SYNPO: variants seen among roughly 807,000 people sequenced by gnomAD.
SYNPO encodes the protein synaptopodin.
A neutral mutation model predicts 49.5 loss-of-function variants in SYNPO; 19 were observed. The ratio of observed to expected loss-of-function variants is 0.38; its 90% CI spans 0.27 to 0.56. SYNPO has a LOEUF of 0.56. Among genes scored for constraint, SYNPO ranks in the 20% least tolerant of loss-of-function variants. The probability of loss-of-function intolerance (pLI) is 0.68; values close to 1 mark genes in which losing one functional copy is unlikely to be tolerated. For missense variants in SYNPO, 1,131 were observed against 1,248.3 expected, an observed-to-expected ratio of 0.91 and a Z score of 1.42; for synonymous variants, 536 against 548.0, an observed-to-expected ratio of 0.98 and a Z score of 0.31.
Position 150,648,583 on chromosome 5 carries a change from C to T in SYNPO, c.308C>T (p.Thr103Ile). The change falls in exon 2 of 3, where the codon ACT (threonine) becomes ATT (isoleucine). Residue 103 changes from threonine to isoleucine, a missense_variant. This residue lies in a region of SYNPO where 602 missense variants were observed against 720.7 expected (regional missense o/e 0.84). Transcript: ENST00000307662. The surrounding 1 kb of genome is among the most constrained non-coding windows in gnomAD (Gnocchi z 5.0). ...ATDVNQNPPA[T>I]VVPQSLPLSS... ...GATGTCAATCAGAACCCACCGGCAA[C>T]TGTTGTCCCACAGAGCCTGCCACTT... 6.2e-7 allele frequency: 1 copy of T among 1,614,228 alleles called. No individual in the cohort carries two copies.
intron 1 of SYNPO, 36 bp from the exon 2 acceptor site, chr5:150,647,908 C>A (rs1258337336): frequency 6.5e-7 from 1 of 1,534,170 alleles, no homozygotes; most frequent in East Asian, 2.5e-5. Context: ...TCACTGCATT[C>A]CTGTTTGCTA....
Position 150,657,429 on chromosome 5 carries a change from C to CTT in SYNPO, c.*343_*344insTT, listed in dbSNP as rs1758615739. The CTT allele has an allele frequency of 6.1e-6, 1 of 163,134 alleles. No individual in the cohort carries two copies. The highest frequency in any genetic ancestry group is 1.1e-5 in the Non-Finnish European group (1 of 87,736). The allele number at this position is 163,134 out of a possible 1,614,324, so 10.1% of individuals were successfully genotyped here. A position where few individuals can be genotyped will look rare whatever the true frequency, so the allele number is the denominator to read the frequency against. ...ACACTCTCTCTTTCTCTCTCTCTCT[C>CTT]TCTCACACACACACACACACACACA... On this transcript the variant is annotated 3_prime_UTR_variant, in exon 3 of 3. Transcript: ENST00000307662.
the SYNPO span, among the ~76,000 whole-genome samples, chr5:150,589,250 G>A: frequency 1.3e-5 from 2 of 152,048 alleles, no homozygotes; most frequent in Non-Finnish European, 2.9e-5. Flanking sequence ...TTTCAGTAGA[G>A]ACGGGGTTTG....
At chr5:150,632,321 T>C (rs775515435) in intron 2 of SYNPO, among the ~76,000 whole-genome samples, 1 of 152,192 alleles carries the variant, frequency 6.6e-6, no homozygotes, top group African/African-American at 2.4e-5. Context: ...GTAATTTCCA[T>C]GTACTTTAAA....
chr5:150,647,203 G>A (rs984377330), intron 1 of SYNPO, among the ~76,000 whole-genome samples: 12 of 150,648 alleles, frequency 8.0e-5, no homozygotes, highest in African/African-American at 1.2e-4. Flanking sequence ...AGATTGCGCC[G>A]CTGCGCTCTA....
At chr5:150,590,662 A>G in the SYNPO span, among the ~76,000 whole-genome samples, 2 of 152,184 alleles carry the variant, frequency 1.3e-5, no homozygotes, top group Non-Finnish European at 2.9e-5. Context: ...TAACACAACC[A>G]AGCCTCAGCT....
intron 1 of SYNPO, among the ~76,000 whole-genome samples, chr5:150,610,509 A>G (rs1756817278): frequency 6.6e-6 from 1 of 152,200 alleles, no homozygotes; most frequent in Non-Finnish European, 1.5e-5. Flanking sequence ...CTGCCTCATA[A>G]TGTTATTGTG....
chr5:150,633,407 G>A (rs1421507321), intron 2 of SYNPO, among the ~76,000 whole-genome samples: 1 of 152,214 alleles, frequency 6.6e-6, no homozygotes, highest in Non-Finnish European at 1.5e-5. Context: ...TGTAGCGTTA[G>A]GGCTCTGGGA....
At chr5:150,602,221 C>T (rs999975630) in intron 1 of SYNPO, among the ~76,000 whole-genome samples, 8 of 152,206 alleles carry the variant, frequency 5.3e-5, no homozygotes, top group African/African-American at 7.2e-5. Context: ...CCTTACTGGG[C>T]GCCAGGCTCT....
chr5:150,612,048 AC>A (rs1266558158), intron 1 of SYNPO, among the ~76,000 whole-genome samples: 1 of 152,116 alleles, frequency 6.6e-6, no homozygotes, highest in Non-Finnish European at 1.5e-5. Flanking sequence ...TGAGGAAGAA[AC>A]CCCCAACCTT....
intron 2 of SYNPO, among the ~76,000 whole-genome samples, chr5:150,625,349 A>G (rs1757320881): frequency 6.6e-6 from 1 of 152,142 alleles, no homozygotes; most frequent in Admixed American, 6.5e-5. Context: ...GAATTGACCA[A>G]CATGGGCGCC....
At chr5:150,614,724 G>A (rs1756939176) in intron 1 of SYNPO, 1 of 152,220 alleles carries the variant, frequency 6.6e-6, no homozygotes, top group African/African-American at 2.4e-5. Context: ...GGGGGAAATG[G>A]AATTAGAAGT....
At chr5:150,628,542 A>C (rs1757436228) in intron 2 of SYNPO, among the ~76,000 whole-genome samples, 1 of 152,232 alleles carries the variant, frequency 6.6e-6, no homozygotes, top group Non-Finnish European at 1.5e-5. Flanking sequence ...TGTTGTTCTG[A>C]AAATTAAATG....
intron 2 of SYNPO, among the ~76,000 whole-genome samples, chr5:150,626,494 T>C (rs1270414943): frequency 6.6e-6 from 1 of 152,194 alleles, no homozygotes; most frequent in Non-Finnish European, 1.5e-5. Context: ...GCCTGCCCCG[T>C]CTTTGCAAGC....
intron 2 of SYNPO, among the ~76,000 whole-genome samples, chr5:150,632,606 C>G (rs1757577647): frequency 1.3e-5 from 2 of 152,180 alleles, no homozygotes; most frequent in South Asian, 4.1e-4. Flanking sequence ...GAGCTTCTGA[C>G]AGTTGGCCTC....
chr5:150,640,238 G>T, upstream of SYNPO: 2 of 917,810 alleles, frequency 2.2e-6, no homozygotes, highest in Non-Finnish European at 1.3e-6. Context: ...TTTGGAGGGG[G>T]TGGTGGCATT....
the SYNPO span, among the ~76,000 whole-genome samples, chr5:150,586,767 C>T: frequency 1.3e-5 from 2 of 152,146 alleles, no homozygotes; most frequent in African/African-American, 4.8e-5. Context: ...TAGTAAAAAC[C>T]TGAGAAATAT....
At chr5:150,638,805 G>T (rs1355977426), upstream of SYNPO, among the ~76,000 whole-genome samples, 2 of 152,210 alleles carry the variant, frequency 1.3e-5, no homozygotes, top group African/African-American at 4.8e-5. Context: ...TTGTCTTTTA[G>T]ATTATGTGTT....
intron 2 of SYNPO, among the ~76,000 whole-genome samples, chr5:150,629,014 T>C (rs1757453208): frequency 6.6e-6 from 1 of 152,146 alleles, no homozygotes; most frequent in Non-Finnish European, 1.5e-5. Flanking sequence ...GTTTTTTTGT[T>C]TGTTTGGTTG....
Sources: allele counts gnomAD v4.1 joint callset (sites outside exome capture counted in the v4.1 genomes callset), GRCh38; gene constraint gnomAD v4.1.1; regional missense constraint gnomAD v4.1.1; non-coding constraint Gnocchi (gnomAD v3.1); transcripts MANE v1.5; gene names NCBI Gene and HGNC (gene_info 2026-07-23, HGNC 2026-07-21).